Variants in ST6GALNAC3 observed in about 807,000 individuals in gnomAD.
The protein encoded by ST6GALNAC3 is ST6 N-acetylgalactosaminide alpha-2,6-sialyltransferase 3, also known as alpha-N-acetylgalactosaminide alpha-2,6-sialyltransferase 3.
ST6GALNAC3 carries 25 observed loss-of-function variants against 32.7 expected under a neutral mutation model. The observed-to-expected ratio is 0.76, with a 90% CI of 0.56 to 1.07. The LOEUF is 1.07. Among genes scored for constraint, ST6GALNAC3 ranks in the 50% least tolerant of loss-of-function variants. The pLI is 0.00. For missense variants in ST6GALNAC3, 355 were observed against 382.4 expected, an observed-to-expected ratio of 0.93 and a Z score of 0.60; for synonymous variants, 129 against 133.1, an observed-to-expected ratio of 0.97 and a Z score of 0.21.
chr1:76,224,458 G>C (rs1205603863), intron 1 of ST6GALNAC3, among the ~76,000 whole-genome samples: 3 of 152,210 alleles, frequency 2.0e-5, no homozygotes, highest in Non-Finnish European at 2.9e-5. Flanking sequence ...TAAACTTAGA[G>C]AGTTAGTGCT....
At chr1:76,341,676 T>TC (rs1229335312) in intron 2 of ST6GALNAC3, among the ~76,000 whole-genome samples, 10 of 141,978 alleles carry the variant, frequency 7.0e-5, no homozygotes, top group African/African-American at 2.4e-4. Flanking sequence ...TTTCTTTCTT[T>TC]CTTTCCTTCT....
chr1:76,595,504 G>A (rs1647121165), intron 3 of ST6GALNAC3, among the ~76,000 whole-genome samples: 1 of 151,940 alleles, frequency 6.6e-6, no homozygotes, highest in Non-Finnish European at 1.5e-5. Flanking sequence ...TGTTTAACTG[G>A]TGTTATATTC....
chr1:76,543,606 A>G (rs1664122528), intron 3 of ST6GALNAC3, among the ~76,000 whole-genome samples: 4 of 152,178 alleles, frequency 2.6e-5, no homozygotes, highest in Admixed American at 2.0e-4. Context: ...TTCTAGAGCC[A>G]TGCCCAGAGT....
At chr1:76,229,764 G>C (rs572890382) in intron 1 of ST6GALNAC3, among the ~76,000 whole-genome samples, 2 of 152,264 alleles carry the variant, frequency 1.3e-5, no homozygotes, top group South Asian at 4.1e-4. Flanking sequence ...ATGCAGCCTT[G>C]CTCCCACTTG....
At chr1:76,475,530 T>C (rs1659293904) in intron 3 of ST6GALNAC3, among the ~76,000 whole-genome samples, 1 of 152,190 alleles carries the variant, frequency 6.6e-6, no homozygotes, top group African/African-American at 2.4e-5. Context: ...TTTCCAGGAA[T>C]GTTTACAATA....
intron 3 of ST6GALNAC3, among the ~76,000 whole-genome samples, chr1:76,493,521 A>G (rs1039256104): frequency 2.0e-5 from 3 of 152,238 alleles, no homozygotes; most frequent in East Asian, 1.9e-4. Context: ...TTGATTGACC[A>G]TTTCTCAAAT....
intron 1 of ST6GALNAC3, among the ~76,000 whole-genome samples, chr1:76,247,241 CCT>C (rs1015458954): frequency 2.0e-5 from 3 of 152,170 alleles, no homozygotes; most frequent in African/African-American, 7.2e-5. Flanking sequence ...TCTATCGACC[CCT>C]GTCAGGAGGT....
chr1:76,238,055 G>A (rs1656756686), intron 1 of ST6GALNAC3, among the ~76,000 whole-genome samples: 1 of 152,156 alleles, frequency 6.6e-6, no homozygotes, highest in South Asian at 2.1e-4. Flanking sequence ...GTGTGGATGG[G>A]GGCTGGGCTG....
intron 3 of ST6GALNAC3, among the ~76,000 whole-genome samples, chr1:76,554,427 A>G (rs943768620): frequency 1.3e-5 from 2 of 152,142 alleles, no homozygotes; most frequent in Non-Finnish European, 2.9e-5. Flanking sequence ...AAACCCCTCA[A>G]CCTGAAAACT....
chr1:76,344,642 C>A (rs185375988), intron 2 of ST6GALNAC3, among the ~76,000 whole-genome samples: 8 of 152,120 alleles, frequency 5.3e-5, no homozygotes, highest in East Asian at 1.9e-4. Context: ...TTCTTTTTGC[C>A]CCTGGAGAGG....
chr1:76,535,230 A>C (rs960682502), intron 3 of ST6GALNAC3, among the ~76,000 whole-genome samples: 2 of 152,172 alleles, frequency 1.3e-5, no homozygotes, highest in African/African-American at 4.8e-5. Context: ...CCTGGCACAC[A>C]ATAAGTCCTA....
chr1:76,293,174 C>A (rs1361795226), intron 1 of ST6GALNAC3, among the ~76,000 whole-genome samples: 1 of 152,014 alleles, frequency 6.6e-6, no homozygotes, highest in African/African-American at 2.4e-5. Context: ...TAACTGAATC[C>A]TACTTACCAT....
intron 1 of ST6GALNAC3, among the ~76,000 whole-genome samples, chr1:76,083,077 C>T (rs188106580): frequency 7.2e-5 from 11 of 152,214 alleles, no homozygotes; most frequent in East Asian, 5.8e-4. Context: ...TTACTACACA[C>T]GAAGTAAAAA....
At chr1:76,477,480 G>C (rs1379239312) in intron 3 of ST6GALNAC3, among the ~76,000 whole-genome samples, 9 of 152,150 alleles carry the variant, frequency 5.9e-5, no homozygotes, top group Admixed American at 5.9e-4. Context: ...ATTTGGTCAA[G>C]CAGCTTCCTT....
chr1:76,627,587 C>A (rs1426780321), intron 4 of ST6GALNAC3, 28 bp downstream of exon 4: 1 of 1,477,874 alleles, frequency 6.8e-7, no homozygotes, highest in Non-Finnish European at 9.5e-7. Flanking sequence ...TATTTTTATG[C>A]AGCTCCAATT....
intron 3 of ST6GALNAC3, among the ~76,000 whole-genome samples, chr1:76,457,543 T>C (rs1657919517): frequency 6.6e-6 from 1 of 150,610 alleles, no homozygotes; most frequent in Admixed American, 6.7e-5. Context: ...GAGATATAGA[T>C]CAATGGAACA....
At chr1:76,165,220 C>T (rs929076162) in intron 1 of ST6GALNAC3, among the ~76,000 whole-genome samples, 1 of 152,042 alleles carries the variant, frequency 6.6e-6, no homozygotes, top group African/African-American at 2.4e-5. Context: ...TTCTGTGTGT[C>T]TGTGTGTTCT....
chr1:76,420,407 G>A (rs1481189705), intron 3 of ST6GALNAC3, among the ~76,000 whole-genome samples: 5 of 151,994 alleles, frequency 3.3e-5, no homozygotes, highest in Non-Finnish European at 7.4e-5. Flanking sequence ...GCTCAGAGAA[G>A]TCCTTAAGAA....
At chr1:76,518,498 CTTCA>C (rs1662309736) in intron 3 of ST6GALNAC3, among the ~76,000 whole-genome samples, 1 of 151,320 alleles carries the variant, frequency 6.6e-6, no homozygotes, top group Non-Finnish European at 1.5e-5. Context: ...GGTATTTTTT[CTTCA>C]TTCTTTCTTT....
Sources: allele counts gnomAD v4.1 joint callset (sites outside exome capture counted in the v4.1 genomes callset), GRCh38; gene constraint gnomAD v4.1.1; transcripts MANE v1.5; gene names NCBI Gene and HGNC (gene_info 2026-07-23, HGNC 2026-07-21).